GRID1: variants seen among roughly 807,000 people sequenced by gnomAD.
GRID1 encodes the protein glutamate receptor ionotropic, delta-1.
A neutral mutation model predicts 98.0 loss-of-function variants in GRID1; 28 were observed. The observed-to-expected ratio is 0.29, with a 90% confidence interval of 0.21 to 0.39. GRID1 has a LOEUF of 0.39. GRID1 is among the 10% of genes least tolerant of loss of function. The pLI, the probability that GRID1 is intolerant of heterozygous loss-of-function variation, is 1.00. For missense variants in GRID1, 1,111 were observed against 1,340.5 expected, an observed-to-expected ratio of 0.83 and a Z score of 2.67; for synonymous variants, 553 against 538.5, an observed-to-expected ratio of 1.03 and a Z score of -0.37.
intron 8 of GRID1, among the ~76,000 whole-genome samples, chr10:85,766,296 G>A (rs556459386): frequency 1.3e-5 from 2 of 152,270 alleles, no homozygotes; most frequent in East Asian, 1.9e-4. Flanking sequence ...GACCAGCTTG[G>A]GCAATGTGGT....
intron 3 of GRID1, among the ~76,000 whole-genome samples, chr10:86,201,412 G>A (rs1050752674): frequency 7.9e-5 from 12 of 152,136 alleles, no homozygotes; most frequent in Non-Finnish European, 1.8e-4. Context: ...ACTATCCTGA[G>A]CCAACTAACA....
chr10:85,669,228 G>A (rs566612186), intron 12 of GRID1, among the ~76,000 whole-genome samples: 5 of 152,192 alleles, frequency 3.3e-5, no homozygotes, highest in Admixed American at 6.5e-5. Flanking sequence ...TGGGCAGTGG[G>A]TTAAGTAAGT....
At chr10:86,115,467 C>A (rs903860043) in intron 4 of GRID1, among the ~76,000 whole-genome samples, 1 of 152,206 alleles carries the variant, frequency 6.6e-6, no homozygotes, top group Non-Finnish European at 1.5e-5. Context: ...CAGCTAACAC[C>A]CCTAGGTAAA....
intron 12 of GRID1, among the ~76,000 whole-genome samples, chr10:85,715,104 C>T (rs572812550): frequency 1.3e-5 from 2 of 152,208 alleles, no homozygotes; most frequent in East Asian, 3.9e-4. Context: ...GTCAATTGAT[C>T]TTTGACAAAG....
intron 4 of GRID1, among the ~76,000 whole-genome samples, chr10:86,121,813 G>A (rs968181092): frequency 3.3e-5 from 5 of 152,178 alleles, no homozygotes; most frequent in Non-Finnish European, 7.3e-5. Flanking sequence ...GTTTGGAGAA[G>A]TTTTATAACT....
At chr10:86,292,317 T>C (rs1847526368) in intron 2 of GRID1, among the ~76,000 whole-genome samples, 1 of 152,224 alleles carries the variant, frequency 6.6e-6, no homozygotes, top group South Asian at 2.1e-4. Flanking sequence ...GCAAGCTTCA[T>C]TTCAGGAGAT....
At chr10:86,178,058 C>T (rs1845602554) in intron 3 of GRID1, among the ~76,000 whole-genome samples, 2 of 152,088 alleles carry the variant, frequency 1.3e-5, no homozygotes, top group Admixed American at 6.5e-5. Context: ...AGGACTCTGG[C>T]TTCCTGTAAA....
intron 8 of GRID1, among the ~76,000 whole-genome samples, chr10:85,819,919 AAG>A (rs1319130679): frequency 2.7e-5 from 4 of 150,698 alleles, no homozygotes; most frequent in African/African-American, 9.8e-5. Flanking sequence ...TCAAGAAAGA[AAG>A]AGAGAATGAG....
intron 2 of GRID1, among the ~76,000 whole-genome samples, chr10:86,316,155 C>T (rs962226813): frequency 6.6e-6 from 1 of 152,206 alleles, no homozygotes; most frequent in African/African-American, 2.4e-5. Flanking sequence ...ACACTGGGGA[C>T]CTCCACTCGA....
intron 8 of GRID1, among the ~76,000 whole-genome samples, chr10:85,790,853 A>T (rs1296390669): frequency 2.0e-5 from 3 of 151,526 alleles, no homozygotes; most frequent in African/African-American, 7.3e-5. Flanking sequence ...GCTGCACAGG[A>T]CCCTCTCTCC....
At position 85,812,608 on chromosome 10, in the gene GRID1, C is replaced by A. The variant is rs140366620; in HGVS notation, c.1233+41888G>T. ...AGGAATCCATTACAGCCCAGCCCTT[C>A]TGCTAGTTGGAGCTATAATTTCTGG... On this transcript the variant is annotated intron_variant, in intron 8 of 15. Coordinates refer to ENST00000327946, the MANE Select transcript of GRID1 (RefSeq NM_017551.3). Among the ~76,000 whole-genome samples, 7 of 152,164 alleles carry A rather than the reference C, an allele frequency of 4.6e-5. No individual in the cohort carries two copies. In the East Asian group the frequency reaches 1.4e-3, roughly 29 times the overall value.
intron 8 of GRID1, among the ~76,000 whole-genome samples, chr10:85,759,390 A>T (rs1842126618): frequency 6.6e-6 from 1 of 152,184 alleles, no homozygotes; most frequent in African/African-American, 2.4e-5. Context: ...TGCTCTTGGG[A>T]AAAGACCTGG....
Position 86,280,273 on chromosome 10 carries a change from T to G in GRID1, c.236-73625A>C, listed in dbSNP as rs559274485. ...TTACAAATTTAAAATTTTAAAAATA[T>G]GATTCACAATAGCATCAAAAATAGA... is the stretch of plus-strand genomic sequence containing the variant. On this transcript the variant is annotated intron_variant, in intron 2 of 15. Coordinates refer to ENST00000327946, the MANE Select transcript of GRID1 (RefSeq NM_017551.3). Among the ~76,000 whole-genome samples the G allele has an allele frequency of 1.8e-4, 27 of 152,306 alleles. 1 individual carries two copies. In the South Asian group the frequency reaches 5.4e-3, roughly 30 times the overall value.
chr10:85,990,498 A>G (rs1308836121), intron 4 of GRID1, among the ~76,000 whole-genome samples: 4 of 152,250 alleles, frequency 2.6e-5, no homozygotes, highest in African/African-American at 7.2e-5. Context: ...TAAGACAGAA[A>G]CATAGAAAAC....
intron 8 of GRID1, 73 bp from the exon 9 acceptor site, chr10:85,729,687 A>G: frequency 1.1e-6 from 1 of 885,506 alleles, no homozygotes; most frequent in Non-Finnish European, 1.8e-6. Flanking sequence ...CGGCTCCTAC[A>G]CTGGGATCCT....
chr10:86,127,591 C>T (rs1350655062), intron 4 of GRID1, among the ~76,000 whole-genome samples: 7 of 152,232 alleles, frequency 4.6e-5, no homozygotes, highest in African/African-American at 1.7e-4. Context: ...ACTCTAACAT[C>T]CTCTCCAGCT....
rs116551193 is a variant in GRID1 at position 85,868,632 on chromosome 10, C to T, written c.951+378G>A. Among the ~76,000 whole-genome samples, 540 of 152,294 alleles carry T rather than the reference C, an allele frequency of 3.5e-3. 2 individuals carry two copies. The highest frequency in any genetic ancestry group is 0.012 in the African/African-American group (501 of 41,560). On this transcript the variant is annotated intron_variant, in intron 6 of 15. Coordinates refer to ENST00000327946, the MANE Select transcript of GRID1 (RefSeq NM_017551.3). ...TTTGCAAGGGTCGTGTCTATATTAACAAGAACCTAAAACAGGTTCAAAATG... is the reference window on the plus strand; with the variant it reads ...TTTGCAAGGGTCGTGTCTATATTAATAAGAACCTAAAACAGGTTCAAAATG...
chr10:86,263,704 G>T (rs1847058266), intron 2 of GRID1, among the ~76,000 whole-genome samples: 1 of 152,166 alleles, frequency 6.6e-6, no homozygotes, highest in African/African-American at 2.4e-5. Context: ...TTTATAAAGT[G>T]CTTAGAACAG....
chr10:86,223,888 C>T (rs909589054), intron 2 of GRID1, among the ~76,000 whole-genome samples: 13 of 152,088 alleles, frequency 8.5e-5, no homozygotes, highest in African/African-American at 1.4e-4. Flanking sequence ...GGACCAAGGA[C>T]CAGCAGGTGA....
Sources: allele counts gnomAD v4.1 joint callset (sites outside exome capture counted in the v4.1 genomes callset), GRCh38; gene constraint gnomAD v4.1.1; transcripts MANE v1.5; gene names NCBI Gene and HGNC (gene_info 2026-07-23, HGNC 2026-07-21).